The following HSPA4 variants were observed in gnomAD, a reference collection of about 807,000 sequenced individuals.
The protein encoded by HSPA4 is heat shock protein family A (Hsp70) member 4, also known as heat shock 70 kDa protein 4.
HSPA4 carries 25 observed loss-of-function variants against 106.2 expected under a neutral mutation model. The observed-to-expected ratio is 0.24, with a 90% CI of 0.17 to 0.33. The LOEUF (loss-of-function observed/expected upper bound fraction) is 0.33. Among genes scored for constraint, HSPA4 ranks in the 10% least tolerant of loss-of-function variants. HSPA4 has a pLI of 1.00. For synonymous variants in HSPA4, 332 were observed against 333.6 expected (o/e 1.00, Z 0.05); for missense variants, 841 against 996.0 (o/e 0.84, Z 2.10).
At chr5:133,068,535 T>G (rs966911550) in intron 3 of HSPA4, among the ~76,000 whole-genome samples, 1 of 152,134 alleles carries the variant, frequency 6.6e-6, no homozygotes, top group Non-Finnish European at 1.5e-5. Flanking sequence ...CCAAGAGATG[T>G]TGAGAACCAT....
intron 1 of HSPA4, 131 bp downstream of exon 1, chr5:133,052,488 C>T: frequency 1.6e-6 from 1 of 617,804 alleles, no homozygotes; most frequent in Non-Finnish European, 2.8e-6. Context: ...CCCGGTAGGT[C>T]AGGGACCCCC....
Position 133,070,483 on chromosome 5 carries a change from A to C in HSPA4, c.416A>C (p.Asp139Ala). 1 of 1,613,888 alleles carries C rather than the reference A, an allele frequency of 6.2e-7. No homozygotes were observed. Among genetic ancestry groups the C allele is most frequent in the Non-Finnish European group, 8.5e-7 (1 of 1,179,846 alleles). The change falls in exon 4 of 19, where the codon GAC becomes GCC. Residue 139 changes from aspartate (D) to alanine (A), a missense_variant. Transcript: ENST00000304858. ...AESVLKKPVV[D>A]CVVSVPCFYT... ...AGTGTTCTTAAGAAGCCTGTAGTTG[A>C]CTGTGTTGTTTCGGTGAGTTTGATC... is the stretch of plus-strand genomic sequence containing the variant.
At chr5:133,056,497 C>T (rs540010954) in intron 1 of HSPA4, among the ~76,000 whole-genome samples, 28 of 152,290 alleles carry the variant, frequency 1.8e-4, no homozygotes, top group African/African-American at 6.5e-4. Flanking sequence ...TCTCAAACTC[C>T]TGGTCTCAAG....
chr5:133,084,521 A>G (rs976309389), intron 7 of HSPA4, among the ~76,000 whole-genome samples: 4 of 151,906 alleles, frequency 2.6e-5, no homozygotes, highest in Non-Finnish European at 5.9e-5. Context: ...TCCAGGTTGG[A>G]GTGCAGTGTC....
At chr5:133,080,679 TA>T (rs1415572075) in intron 7 of HSPA4, among the ~76,000 whole-genome samples, 23 of 151,830 alleles carry the variant, frequency 1.5e-4, no homozygotes, top group South Asian at 8.3e-4. Context: ...CATATATATA[TA>T]TTTTTTTTTA....
intron 1 of HSPA4, among the ~76,000 whole-genome samples, chr5:133,060,173 A>G (rs1401394276): frequency 2.0e-5 from 3 of 151,352 alleles, no homozygotes; most frequent in Admixed American, 2.0e-4. Flanking sequence ...GGAAGTATAT[A>G]TAATTTTTAT....
At chr5:133,093,359 G>T (rs1205640729) in intron 13 of HSPA4, among the ~76,000 whole-genome samples, 2 of 152,074 alleles carry the variant, frequency 1.3e-5, no homozygotes, top group Non-Finnish European at 2.9e-5. Flanking sequence ...TACTAGGCTA[G>T]TGATTTATTT....
intron 15 of HSPA4, among the ~76,000 whole-genome samples, chr5:133,097,507 C>T (rs976856901): frequency 6.6e-6 from 1 of 150,838 alleles, no homozygotes; most frequent in Non-Finnish European, 1.5e-5. Flanking sequence ...ACTTTTGACA[C>T]ATTCGAATAT....
At chr5:133,094,845 A>G (rs1765690693) in intron 13 of HSPA4, among the ~76,000 whole-genome samples, 1 of 152,218 alleles carries the variant, frequency 6.6e-6, no homozygotes. Flanking sequence ...TCATAGAACA[A>G]ATTGAATTCC....
Position 133,106,158 on chromosome 5 carries a change from G to GTA in HSPA4, c.*1723_*1724insAT, listed in dbSNP as rs1273853772. ...TTTTTTTTGGTGTGTGTGTGTGTGTGTGTGGGGAAGGGTGTGGGTGCTGGG... is the reference window on the plus strand; with the variant it reads ...TTTTTTTTGGTGTGTGTGTGTGTGTGTATGTGGGGAAGGGTGTGGGTGCTGGG... On this transcript the variant is annotated 3_prime_UTR_variant, in exon 19 of 19. Coordinates refer to ENST00000304858, the MANE Select transcript of HSPA4 (RefSeq NM_002154.4). 8.3e-6 allele frequency: 1 copy of GTA among 120,432 alleles called. No homozygotes were observed. The highest frequency in any genetic ancestry group is 2.3e-4 in the East Asian group (1 of 4,256). 7.5% of individuals were successfully genotyped at this position (120,432 alleles called of 1,614,324 possible).
intron 16 of HSPA4, chr5:133,101,558 G>A (rs923875069): frequency 4.4e-6 from 2 of 453,550 alleles, no homozygotes; most frequent in African/African-American, 4.1e-5. Context: ...ACAAATTGAA[G>A]CGATTCCAGA....
chr5:133,104,497 C>G lies in HSPA4; in HGVS notation c.*61C>G. ...AAAGCTTTAAGTTGTCAACTTTGTT[C>G]TAAATATCAACTAGCGCAAGTGAAT... On this transcript the variant is annotated 3_prime_UTR_variant, in exon 19 of 19. Coordinates refer to ENST00000304858, the MANE Select transcript of HSPA4 (RefSeq NM_002154.4). 1 of 1,466,894 alleles carries G rather than the reference C, an allele frequency of 6.8e-7. No individual in the cohort carries two copies. Among genetic ancestry groups the G allele is most frequent in the East Asian group, 2.3e-5 (1 of 43,990 alleles). The allele number at this position is 1,466,894 out of a possible 1,614,324, so 90.9% of individuals were successfully genotyped here.
chr5:133,075,336 G>A (rs555707697), intron 6 of HSPA4, among the ~76,000 whole-genome samples: 2 of 152,056 alleles, frequency 1.3e-5, no homozygotes, highest in Non-Finnish European at 2.9e-5. Context: ...AATTTAGCCT[G>A]GCTTTGGATC....
Position 133,076,916 on chromosome 5 carries a change from T to C in HSPA4, c.908+18T>C. ...ATGAATAGGTAAGTATATTACTATT[T>C]CGATGTTAAAGTGAAGAGTGAGTTT... On this transcript the variant is annotated intron_variant, in intron 7 of 18. Transcript: ENST00000304858. 3 of 1,579,970 alleles carry C rather than the reference T, an allele frequency of 1.9e-6. No homozygotes were observed. The highest frequency in any genetic ancestry group is 2.6e-6 in the Non-Finnish European group (3 of 1,152,808).
At chr5:133,065,550 A>G (rs1455238071) in intron 2 of HSPA4, among the ~76,000 whole-genome samples, 2 of 152,254 alleles carry the variant, frequency 1.3e-5, no homozygotes, top group Non-Finnish European at 2.9e-5. Flanking sequence ...CATTAGCAGT[A>G]TAATCTGTTT....
At chr5:133,078,193 A>C (rs1033055646) in intron 7 of HSPA4, among the ~76,000 whole-genome samples, 2 of 151,916 alleles carry the variant, frequency 1.3e-5, no homozygotes, top group East Asian at 3.9e-4. Context: ...TTAGCCGGGT[A>C]TGGTGGCGGG....
intron 7 of HSPA4, among the ~76,000 whole-genome samples, chr5:133,079,210 G>A (rs1056170848): frequency 6.6e-6 from 1 of 151,982 alleles, no homozygotes; most frequent in African/African-American, 2.4e-5. Context: ...AAATTCACAG[G>A]GTTGTGCAAT....
intron 15 of HSPA4, 107 bp from the exon 16 acceptor site, chr5:133,099,438 C>G (rs185021135): frequency 2.0e-6 from 1 of 510,716 alleles, no homozygotes; most frequent in East Asian, 3.2e-5. Context: ...TGGCTGCCCT[C>G]TGTATTTTAA....
At chr5:133,059,428 C>T (rs1765208537) in intron 1 of HSPA4, among the ~76,000 whole-genome samples, 1 of 140,572 alleles carries the variant, frequency 7.1e-6, no homozygotes, top group African/African-American at 2.7e-5. Flanking sequence ...GCCTGGGTGA[C>T]AAGAGTGAGA....
Sources: gnomAD v4.1 joint callset for allele counts (sites outside exome capture counted in the v4.1 genomes callset) on GRCh38, gnomAD v4.1.1 for gene constraint, MANE v1.5 for transcripts, NCBI Gene and HGNC (gene_info 2026-07-23, HGNC 2026-07-21) for gene names.